The following ATXN7 variants were observed in gnomAD, a reference collection of about 807,000 sequenced individuals.
ATXN7 encodes the protein ataxin 7.
A neutral mutation model predicts 70.5 loss-of-function variants in ATXN7; 12 were observed. The ratio of observed to expected loss-of-function variants is 0.17; its 90% CI spans 0.11 to 0.28. The LOEUF is 0.28. Among genes scored for constraint, ATXN7 ranks in the 10% least tolerant of loss-of-function variants. The pLI is 1.00. For synonymous variants in ATXN7, 498 were observed against 448.7 expected, an observed-to-expected ratio of 1.11 and a Z score of -1.39; for missense variants, 1,256 against 1,131.7, an observed-to-expected ratio of 1.11 and a Z score of -1.58.
chr3:63,884,477 TG>T (rs1703021237), intron 1 of ATXN7, among the ~76,000 whole-genome samples: 2 of 152,084 alleles, frequency 1.3e-5, no homozygotes, highest in Non-Finnish European at 2.9e-5. Flanking sequence ...AAATAATATG[TG>T]ATATAAAATC....
intron 5 of ATXN7, among the ~76,000 whole-genome samples, chr3:63,960,955 T>A (rs1458314470): frequency 6.6e-6 from 1 of 152,192 alleles, no homozygotes; most frequent in Non-Finnish European, 1.5e-5. Flanking sequence ...TTCTCATGTA[T>A]TCATTGGGTA....
At chr3:63,928,840 C>A (rs1430150955) in intron 4 of ATXN7, among the ~76,000 whole-genome samples, 2 of 152,082 alleles carry the variant, frequency 1.3e-5, no homozygotes, top group African/African-American at 2.4e-5. Context: ...AAGCATCAGG[C>A]GCACTCCAGA....
intron 4 of ATXN7, among the ~76,000 whole-genome samples, chr3:63,913,904 A>G (rs539641231): frequency 5.3e-5 from 8 of 152,310 alleles, no homozygotes; most frequent in African/African-American, 1.7e-4. Context: ...CAGGCCAGGT[A>G]TCTGGAAAGT....
intron 1 of ATXN7, among the ~76,000 whole-genome samples, chr3:63,883,160 A>G (rs1021875647): frequency 6.6e-6 from 1 of 152,152 alleles, no homozygotes; most frequent in Non-Finnish European, 1.5e-5. Flanking sequence ...TTTTCTCATT[A>G]TTGGATTAAT....
rs759914630 is a variant in ATXN7, at chr3:63,912,899, G to T, written c.301G>T (p.Ala101Ser). The T allele has an allele frequency of 2.5e-5, 40 of 1,613,258 alleles. No individual in the cohort carries two copies. Among genetic ancestry groups the T allele is most frequent in the Non-Finnish European group, 3.2e-5 (38 of 1,179,756 alleles). ...LGQSWNLWVE[A>S]SKLPGKDGTE... ...ACAGTCGTGGAATCTGTGGGTTGAG[G>T]CTTCCAAACTTCCTGGGAAGGACGG... The change falls in exon 3 of 13, where the codon GCT becomes TCT. Residue 101 changes from alanine (A) to serine (S), a missense_variant. Physicochemically the swap from Ala to Ser is moderately conservative, Grantham distance 99. Transcript: ENST00000674280.
intron 2 of ATXN7, chr3:63,900,690 G>A (rs1010639984): frequency 6.6e-6 from 1 of 152,378 alleles, no homozygotes; most frequent in African/African-American, 2.4e-5. Context: ...TGTTTATGGA[G>A]TTTCTACTGT....
intron 1 of ATXN7, among the ~76,000 whole-genome samples, chr3:63,887,387 G>A (rs181145667): frequency 1.3e-5 from 2 of 152,266 alleles, no homozygotes; most frequent in Admixed American, 1.3e-4. Context: ...TGTTTGAAGT[G>A]TAGAAACTAT....
intron 5 of ATXN7, among the ~76,000 whole-genome samples, chr3:63,977,511 A>C (rs2075407548): frequency 1.3e-5 from 2 of 152,202 alleles, no homozygotes; most frequent in Admixed American, 6.5e-5. Context: ...GGGGGTACAC[A>C]AGGTGATTTT....
chr3:63,887,340 C>T (rs945215172), intron 1 of ATXN7, among the ~76,000 whole-genome samples: 4 of 152,148 alleles, frequency 2.6e-5, no homozygotes, highest in Non-Finnish European at 4.4e-5. Flanking sequence ...TTATTATTGG[C>T]ACATTGCAAA....
chr3:63,926,933 G>A (rs1258810503), intron 4 of ATXN7, among the ~76,000 whole-genome samples: 1 of 152,150 alleles, frequency 6.6e-6, no homozygotes, highest in African/African-American at 2.4e-5. Context: ...TTCTGTTCCT[G>A]TGTTAGTTGG....
At chr3:63,875,366 A>AC (rs755601484) in intron 1 of ATXN7, among the ~76,000 whole-genome samples, 3 of 152,158 alleles carry the variant, frequency 2.0e-5, no homozygotes, top group Non-Finnish European at 4.4e-5. Flanking sequence ...TGCTGGGATT[A>AC]CAGGTGTGAG....
At position 63,995,522 on chromosome 3, in the gene ATXN7, C is replaced by T; in HGVS notation, c.1700C>T (p.Pro567Leu). The part of the protein sequence containing the change: ...AQLWKKIPPV[P>L]STTSPISTRI... ...TTTTTCAGGAAAATCCCACCAGTGC[C>T]CAGTACCACCTCACCCATCTCCACA... The change falls in exon 12 of 13, where the codon CCC becomes CTC. Residue 567 changes from proline (P) to leucine (L), a missense_variant. Pro to Leu is a moderately conservative substitution (Grantham distance 98, BLOSUM62 -3). Transcript: ENST00000674280. 1 of 1,614,038 alleles carries T rather than the reference C, an allele frequency of 6.2e-7. No homozygotes were observed. Among genetic ancestry groups the T allele is most frequent in the African/African-American group, 1.3e-5 (1 of 74,990 alleles).
At chr3:63,992,748 G>T (rs186851620) in intron 11 of ATXN7, among the ~76,000 whole-genome samples, 1 of 152,300 alleles carries the variant, frequency 6.6e-6, no homozygotes, top group East Asian at 1.9e-4. Flanking sequence ...CCATTAGCAT[G>T]ACCATTGGTT....
intron 4 of ATXN7, among the ~76,000 whole-genome samples, chr3:63,924,289 G>A (rs963603585): frequency 1.1e-4 from 16 of 152,184 alleles, no homozygotes; most frequent in African/African-American, 3.6e-4. Flanking sequence ...TGCTTTTGAC[G>A]TACTTAGTGG....
intron 4 of ATXN7, among the ~76,000 whole-genome samples, chr3:63,945,900 A>C (rs1437652744): frequency 6.6e-6 from 1 of 152,234 alleles, no homozygotes; most frequent in Non-Finnish European, 1.5e-5. Context: ...AGTACCACAC[A>C]GGATTCTGTG....
chr3:63,962,424 A>C (rs1374548977), intron 5 of ATXN7, among the ~76,000 whole-genome samples: 2 of 151,840 alleles, frequency 1.3e-5, no homozygotes, highest in Non-Finnish European at 2.9e-5. Flanking sequence ...TGTTTTTTTG[A>C]GACAGAGTCC....
chr3:63,949,392 G>T (rs1329918505), intron 4 of ATXN7, among the ~76,000 whole-genome samples: 1 of 151,146 alleles, frequency 6.6e-6, no homozygotes, highest in Non-Finnish European at 1.5e-5. Context: ...TTCATAAAAT[G>T]AACTCAATTT....
chr3:63,915,653 G>T (rs1704231977), intron 4 of ATXN7, among the ~76,000 whole-genome samples: 1 of 151,606 alleles, frequency 6.6e-6, no homozygotes, highest in African/African-American at 2.4e-5. Flanking sequence ...TCATGTGAGT[G>T]AATCACTGGA....
chr3:63,966,369 A>AT (rs972828531), intron 5 of ATXN7, among the ~76,000 whole-genome samples: 2 of 150,930 alleles, frequency 1.3e-5, no homozygotes, highest in East Asian at 1.9e-4. Context: ...CAGCCATGGA[A>AT]TTTTTTTTTT....
Sources: gnomAD v4.1 joint callset for allele counts (sites outside exome capture counted in the v4.1 genomes callset) on GRCh38, gnomAD v4.1.1 for gene constraint, MANE v1.5 for transcripts, NCBI Gene and HGNC (gene_info 2026-07-23, HGNC 2026-07-21) for gene names.